Variants in SLC24A2 observed in about 807,000 individuals in gnomAD.
SLC24A2 encodes the protein sodium/potassium/calcium exchanger 2.
In SLC24A2, 36 loss-of-function variants were observed where a neutral mutation model predicts 62.0. The ratio of observed to expected loss-of-function variants is 0.58; its 90% CI spans 0.44 to 0.77. The LOEUF (loss-of-function observed/expected upper bound fraction) is 0.77. Among genes scored for constraint, SLC24A2 ranks in the 30% least tolerant of loss-of-function variants. The probability of loss-of-function intolerance (pLI) is 0.00; values close to 1 mark genes in which losing one functional copy is unlikely to be tolerated. For synonymous variants in SLC24A2, 358 were observed against 294.0 expected (o/e 1.22, Z -2.23); for missense variants, 846 against 817.9 (o/e 1.03, Z -0.42).
At chr9:20,051,832 G>A in the SLC24A2 span, among the ~76,000 whole-genome samples, 71 of 151,772 alleles carry the variant, frequency 4.7e-4, no homozygotes, top group Middle Eastern at 6.8e-3. Flanking sequence ...AGTATAGGAG[G>A]CAGGGCTTTC....
chr9:20,082,549 G>C, the SLC24A2 span, among the ~76,000 whole-genome samples: 3 of 152,350 alleles, frequency 2.0e-5, no homozygotes, highest in South Asian at 6.2e-4. Context: ...CATGCTCTGA[G>C]GTGGTTTTCT....
the SLC24A2 span, among the ~76,000 whole-genome samples, chr9:20,167,521 G>A: frequency 4.6e-5 from 7 of 151,940 alleles, no homozygotes; most frequent in African/African-American, 1.2e-4. Flanking sequence ...AGACCTAGAA[G>A]CAATGACACA....
chr9:19,887,827 A>C, the SLC24A2 span, among the ~76,000 whole-genome samples: 422 of 152,336 alleles, frequency 2.8e-3, 2 homozygotes, highest in African/African-American at 9.6e-3. Context: ...CCACTCAGCC[A>C]TAAAAGGGAA....
At chr9:20,101,026 T>A in the SLC24A2 span, among the ~76,000 whole-genome samples, 1 of 152,194 alleles carries the variant, frequency 6.6e-6, no homozygotes, top group African/African-American at 2.4e-5. Flanking sequence ...TTTCCAGAAT[T>A]TTGCGGAAAC....
rs1259926926 is a variant in SLC24A2 at position 19,567,564 on chromosome 9, AG to A, written c.1347+5786del. Among the ~76,000 whole-genome samples the A allele has an allele frequency of 1.3e-3, 18 of 13,366 alleles. 1 individual carries two copies. The highest frequency in any genetic ancestry group is 2.5e-3 in the Admixed American group (2 of 790). The allele number at this position is 13,366 out of a possible 152,430, so 8.8% of individuals were successfully genotyped here. The stretch of plus-strand genomic sequence containing the variant: ...CATCTCAAAAAAAAAAAAAAAAAAA[AG>A]GTAAGGAATATGTTCTTATAATTTT... On this transcript the variant is annotated intron_variant, in intron 7 of 10. Coordinates refer to ENST00000341998, the MANE Select transcript of SLC24A2 (RefSeq NM_020344.4).
the SLC24A2 span, among the ~76,000 whole-genome samples, chr9:19,850,936 T>TGGGC: frequency 3.5e-5 from 2 of 57,894 alleles, no homozygotes; most frequent in South Asian, 5.4e-4. Flanking sequence ...TGTGGGCATA[T>TGGGC]ATATATATAC....
At chr9:19,979,601 A>G in the SLC24A2 span, among the ~76,000 whole-genome samples, 41 of 152,292 alleles carry the variant, frequency 2.7e-4, no homozygotes, top group South Asian at 6.2e-4. Flanking sequence ...AAGGCATTCC[A>G]TCATTCTCTA....
the SLC24A2 span, among the ~76,000 whole-genome samples, chr9:20,005,865 TAA>T: frequency 1.3e-4 from 18 of 140,704 alleles, no homozygotes; most frequent in Admixed American, 2.9e-4. Flanking sequence ...CCTACTCCAT[TAA>T]AAAAAAAAAA....
At chr9:20,191,036 A>G in the SLC24A2 span, among the ~76,000 whole-genome samples, 2 of 152,300 alleles carry the variant, frequency 1.3e-5, no homozygotes, top group Admixed American at 1.3e-4. Context: ...TAAAACTTCA[A>G]TATTTGTGAA....
chr9:19,595,243 T>C (rs1397121665), intron 5 of SLC24A2, among the ~76,000 whole-genome samples: 2 of 152,210 alleles, frequency 1.3e-5, no homozygotes, highest in Non-Finnish European at 2.9e-5. Flanking sequence ...TCAGAAGCTC[T>C]CCCACTTATT....
the SLC24A2 span, among the ~76,000 whole-genome samples, chr9:20,217,209 G>T: frequency 6.6e-6 from 1 of 152,162 alleles, no homozygotes; most frequent in African/African-American, 2.4e-5. Context: ...AAAGAAGCCA[G>T]ACATAGAAAT....
At chr9:19,825,498 G>T in the SLC24A2 span, among the ~76,000 whole-genome samples, 1 of 152,066 alleles carries the variant, frequency 6.6e-6, no homozygotes, top group African/African-American at 2.4e-5. Context: ...ATTCAATGGG[G>T]ACTCATTCAA....
chr9:20,264,734 C>A, the SLC24A2 span, among the ~76,000 whole-genome samples: 33 of 152,318 alleles, frequency 2.2e-4, no homozygotes, highest in African/African-American at 7.9e-4. Flanking sequence ...ATATTTGTTT[C>A]TCTTTTTCCT....
chr9:19,952,675 T>C, the SLC24A2 span, among the ~76,000 whole-genome samples: 1 of 144,416 alleles, frequency 6.9e-6, no homozygotes, highest in South Asian at 2.3e-4. Context: ...TTTTTTTTTT[T>C]GCCAGTGTTC....
chr9:19,659,983 G>C (rs1364521085), intron 2 of SLC24A2, among the ~76,000 whole-genome samples: 3 of 152,160 alleles, frequency 2.0e-5, no homozygotes, highest in Non-Finnish European at 4.4e-5. Context: ...CTTACGAGGG[G>C]ACCAAGACTT....
the SLC24A2 span, among the ~76,000 whole-genome samples, chr9:20,215,499 C>T: frequency 6.6e-6 from 1 of 152,122 alleles, no homozygotes; most frequent in East Asian, 1.9e-4. Context: ...CTAGCTATAG[C>T]AAACAAATAC....
At chr9:20,202,273 C>T in the SLC24A2 span, among the ~76,000 whole-genome samples, 11 of 152,280 alleles carry the variant, frequency 7.2e-5, 2 homozygotes, top group African/African-American at 2.6e-4. Context: ...CTGAGGACTG[C>T]TTGTTTGGCA....
chr9:19,991,139 G>A, the SLC24A2 span, among the ~76,000 whole-genome samples: 1 of 151,926 alleles, frequency 6.6e-6, no homozygotes, highest in Non-Finnish European at 1.5e-5. Context: ...TAGGCCATCT[G>A]CAAGCTGAGG....
chr9:19,665,990 G>T, intron 2 of SLC24A2, among the ~76,000 whole-genome samples: 1 of 152,026 alleles, frequency 6.6e-6, no homozygotes, highest in East Asian at 1.9e-4. Flanking sequence ...TGAAGGTAAT[G>T]ATATGAGTTA....
Sources: allele counts gnomAD v4.1 joint callset (sites outside exome capture counted in the v4.1 genomes callset), GRCh38; gene constraint gnomAD v4.1.1; transcripts MANE v1.5; gene names NCBI Gene and HGNC (gene_info 2026-07-23, HGNC 2026-07-21).